The following CNTN5 variants were observed in gnomAD, a reference collection of about 807,000 sequenced individuals.
CNTN5 encodes the protein contactin-5.
A neutral mutation model predicts 129.1 loss-of-function variants in CNTN5; 77 were observed. The observed-to-expected ratio is 0.60, with a 90% CI of 0.50 to 0.72. The LOEUF is 0.72. CNTN5 is among the 30% of genes least tolerant of loss of function. CNTN5 has a pLI of 0.00. For missense variants in CNTN5, 1,478 were observed against 1,328.8 expected, an observed-to-expected ratio of 1.11 and a Z score of -1.75; for synonymous variants, 509 against 465.6, an observed-to-expected ratio of 1.09 and a Z score of -1.20.
At chr11:99,123,994 A>G (rs1388352447) in intron 1 of CNTN5, among the ~76,000 whole-genome samples, 1 of 151,624 alleles carries the variant, frequency 6.6e-6, no homozygotes, top group Non-Finnish European at 1.5e-5. Flanking sequence ...CTTTTTTCTT[A>G]GATTTGTGTT....
intron 1 of CNTN5, among the ~76,000 whole-genome samples, chr11:99,079,347 C>G (rs1212060545): frequency 3.3e-5 from 5 of 152,024 alleles, no homozygotes; most frequent in Non-Finnish European, 5.9e-5. Flanking sequence ...AACAACACAG[C>G]AAATCCATAA....
At chr11:99,576,152 G>A (rs1361681101) in intron 3 of CNTN5, among the ~76,000 whole-genome samples, 2 of 152,202 alleles carry the variant, frequency 1.3e-5, no homozygotes, top group African/African-American at 4.8e-5. Flanking sequence ...AAGCACCACG[G>A]CAAGCCTGAT....
At chr11:100,242,696 C>T (rs1949767001) in intron 16 of CNTN5, among the ~76,000 whole-genome samples, 2 of 152,154 alleles carry the variant, frequency 1.3e-5, no homozygotes, top group Admixed American at 1.3e-4. Context: ...CTGCATGATC[C>T]AGTCACCTCC....
At chr11:99,252,703 T>C (rs1862173912) in intron 1 of CNTN5, among the ~76,000 whole-genome samples, 1 of 151,994 alleles carries the variant, frequency 6.6e-6, no homozygotes, top group Admixed American at 6.6e-5. Context: ...ATCAATTAAA[T>C]TGTCCTTTCT....
At chr11:100,326,298 AC>A (rs2138974393) in intron 21 of CNTN5, among the ~76,000 whole-genome samples, 1 of 152,354 alleles carries the variant, frequency 6.6e-6, no homozygotes, top group South Asian at 2.1e-4. Flanking sequence ...AATATATGGA[AC>A]AAAAGGAATA....
intron 8 of CNTN5, among the ~76,000 whole-genome samples, chr11:99,984,869 C>T (rs1938572613): frequency 1.3e-5 from 2 of 152,164 alleles, no homozygotes; most frequent in South Asian, 4.1e-4. Flanking sequence ...GTCAGACTTG[C>T]AACAGGGGCG....
At chr11:100,256,227 A>G (rs1345193362) in intron 17 of CNTN5, among the ~76,000 whole-genome samples, 6 of 152,182 alleles carry the variant, frequency 3.9e-5, no homozygotes, top group Non-Finnish European at 8.8e-5. Flanking sequence ...GCTTCCTGCC[A>G]TGATAAAATC....
At chr11:99,600,006 T>C (rs1950264840) in intron 3 of CNTN5, among the ~76,000 whole-genome samples, 1 of 152,080 alleles carries the variant, frequency 6.6e-6, no homozygotes, top group South Asian at 2.1e-4. Context: ...AGTTGACTTT[T>C]AAGAACTGAT....
At chr11:99,366,398 C>G (rs984515526) in intron 2 of CNTN5, among the ~76,000 whole-genome samples, 12 of 152,118 alleles carry the variant, frequency 7.9e-5, no homozygotes, top group Admixed American at 3.3e-4. Flanking sequence ...GTTTACAACT[C>G]TCGAAATTGA....
chr11:99,279,682 T>C (rs1405832353), intron 1 of CNTN5, among the ~76,000 whole-genome samples: 2 of 151,884 alleles, frequency 1.3e-5, no homozygotes, highest in East Asian at 3.9e-4. Context: ...CCTTAATAAT[T>C]GAATAAGTCC....
chr11:99,282,417 A>G lies in CNTN5; in HGVS notation c.-209-42929A>G, dbSNP rs2447138. Among the ~76,000 whole-genome samples the G allele has an allele frequency of 5.3e-5, 8 of 152,108 alleles. No homozygotes were observed. In the South Asian group the frequency reaches 1.7e-3, roughly 32 times the overall value. ...ACCAAAAAGGGAATAACATTTTTCC[A>G]TGTATGATGAGGGAAATGTGAGCTG... On this transcript the variant is annotated intron_variant, in intron 1 of 24. Coordinates refer to ENST00000524871, the MANE Select transcript of CNTN5 (RefSeq NM_014361.4).
At chr11:99,962,620 G>A (rs1231035227) in intron 8 of CNTN5, among the ~76,000 whole-genome samples, 16 of 150,760 alleles carry the variant, frequency 1.1e-4, no homozygotes, top group African/African-American at 2.2e-4. Flanking sequence ...ATAAACATAC[G>A]TGTGCATGTG....
At chr11:100,001,932 A>G (rs914302191) in intron 8 of CNTN5, 102 bp from the exon 9 acceptor site, 5 of 818,782 alleles carry the variant, frequency 6.1e-6, no homozygotes, top group South Asian at 3.5e-5. Flanking sequence ...TCAAACAGAC[A>G]TTAACAACCA....
intron 3 of CNTN5, among the ~76,000 whole-genome samples, chr11:99,575,500 A>T (rs950645536): frequency 6.6e-6 from 1 of 152,228 alleles, no homozygotes; most frequent in African/African-American, 2.4e-5. Flanking sequence ...TGTTAAGAAC[A>T]TGCTAAAACA....
intron 3 of CNTN5, among the ~76,000 whole-genome samples, chr11:99,702,927 A>G (rs994334462): frequency 1.3e-4 from 20 of 151,022 alleles, no homozygotes; most frequent in Admixed American, 6.0e-4. Flanking sequence ...AATGAAGTAT[A>G]TAAGGATGAA....
At chr11:99,632,334 CAACTG>C (rs971231437) in intron 3 of CNTN5, among the ~76,000 whole-genome samples, 9 of 152,044 alleles carry the variant, frequency 5.9e-5, no homozygotes, top group South Asian at 2.1e-4. Flanking sequence ...TAGCTTTTCT[CAACTG>C]AACTGCAACT....
chr11:99,283,238 T>G (rs1565460810), intron 1 of CNTN5, among the ~76,000 whole-genome samples: 1 of 152,150 alleles, frequency 6.6e-6, no homozygotes, highest in African/African-American at 2.4e-5. Flanking sequence ...GTTTAATCAA[T>G]TATTGTATCA....
intron 13 of CNTN5, among the ~76,000 whole-genome samples, chr11:100,096,384 CA>C (rs1945010144): frequency 6.6e-6 from 1 of 152,014 alleles, no homozygotes; most frequent in Non-Finnish European, 1.5e-5. Flanking sequence ...GTTAAAGGCC[CA>C]TTGTTCTGAG....
chr11:99,214,365 C>T (rs560896370), intron 1 of CNTN5, among the ~76,000 whole-genome samples: 10 of 142,096 alleles, frequency 7.0e-5, no homozygotes, highest in African/African-American at 2.5e-4. Context: ...AATTAAGATA[C>T]CAAAAAATAT....
Sources: gnomAD v4.1 joint callset for allele counts (sites outside exome capture counted in the v4.1 genomes callset) on GRCh38, gnomAD v4.1.1 for gene constraint, MANE v1.5 for transcripts, NCBI Gene and HGNC (gene_info 2026-07-23, HGNC 2026-07-21) for gene names.